The following SMC4 variants were observed in gnomAD, a reference collection of about 807,000 sequenced individuals.
SMC4 encodes the protein structural maintenance of chromosomes protein 4.
A neutral mutation model predicts 145.6 loss-of-function variants in SMC4; 87 were observed. The ratio of observed to expected loss-of-function variants is 0.60; its 90% CI spans 0.50 to 0.71. The LOEUF (loss-of-function observed/expected upper bound fraction) is 0.71, where lower values mean the gene tolerates loss of function less well. Ranked by LOEUF, SMC4 falls within the 30% of genes least tolerant of loss-of-function variation. SMC4 has a pLI of 0.00. For missense variants in SMC4, 1,447 were observed against 1,537.1 expected, an observed-to-expected ratio of 0.94 and a Z score of 0.98; for synonymous variants, 558 against 500.7, an observed-to-expected ratio of 1.11 and a Z score of -1.53.
chr3:160,414,350 T>C lies in SMC4; in HGVS notation c.1122-17T>C. On this transcript the variant is annotated splice_polypyrimidine_tract_variant and intron_variant, in intron 8 of 23. Transcript: ENST00000357388. ...GCACATTCAAAATAATGACTTACAA[T>C]ATACTTGCTTTGCTAGGAAACTGAA... The C allele has an allele frequency of 6.4e-7, 1 of 1,574,618 alleles. No individual in the cohort carries two copies.
rs745654344 is a variant in SMC4, at chr3:160,420,853, C to T, written c.1971C>T (p.Phe657=). 6.2e-7 allele frequency: 1 copy of T among 1,613,478 alleles called. No homozygotes were observed. ...SIDIAQECVN[F]LKRQNIGVAT... ...ATATAGCCCAAGAATGTGTAAACTT[C>T]CTTAAAAGACAAAATATTGGAGTTG... The change falls in exon 13 of 24, where the codon TTC becomes TTT. Residue 657 remains phenylalanine, a synonymous_variant. Coordinates refer to ENST00000357388, the MANE Select transcript of SMC4 (RefSeq NM_001002800.3).
At position 160,420,961 on chromosome 3, in the gene SMC4, G is replaced by A. The variant is rs540458920; in HGVS notation, c.2019+60G>A. 1.9e-4 allele frequency: 265 copies of A among 1,387,070 alleles called. 5 individuals are homozygous for A. The South Asian group carries it at 3.1e-3, about 16-fold the overall frequency. 85.9% of individuals were successfully genotyped at this position (1,387,070 alleles called of 1,614,324 possible). A position where few individuals can be genotyped will look rare whatever the true frequency, so the allele number is the denominator to read the frequency against. ...TTTTTTTTTTTTGAGACGTAGTCTC[G>A]CTCTGTCACCCAGGCTGGAGTGCAG... is the stretch of plus-strand genomic sequence containing the variant. On this transcript the variant is annotated intron_variant, in intron 13 of 23. Transcript: ENST00000357388.
At chr3:160,430,490 G>A (rs1718280711) in intron 18 of SMC4, 109 bp from the exon 19 acceptor site, 10 of 992,510 alleles carry the variant, frequency 1.0e-5, no homozygotes, top group Non-Finnish European at 1.5e-5. Flanking sequence ...AAAAATATAT[G>A]AATAGAAAAA....
At chr3:160,403,623 G>A (rs1307122260) in intron 4 of SMC4, among the ~76,000 whole-genome samples, 1 of 151,746 alleles carries the variant, frequency 6.6e-6, no homozygotes, top group Non-Finnish European at 1.5e-5. Flanking sequence ...GGTTTCTTTT[G>A]TGCTTTCTAT....
intron 9 of SMC4, among the ~76,000 whole-genome samples, chr3:160,414,903 T>C (rs560510212): frequency 1.3e-5 from 2 of 152,338 alleles, no homozygotes; most frequent in South Asian, 2.1e-4. Context: ...TACAATAATA[T>C]GTTATTGGGA....
At chr3:160,415,518 CTACTT>C (rs1228256536) in intron 9 of SMC4, among the ~76,000 whole-genome samples, 1 of 152,200 alleles carries the variant, frequency 6.6e-6, no homozygotes. Flanking sequence ...AGATTAGGCT[CTACTT>C]TACGCTATAA....
At chr3:160,406,006 T>G (rs546200056) in intron 5 of SMC4, among the ~76,000 whole-genome samples, 1 of 152,216 alleles carries the variant, frequency 6.6e-6, no homozygotes, top group South Asian at 2.1e-4. Context: ...TTAACCCTTC[T>G]AAGGATAATT....
At chr3:160,419,213 C>A in intron 11 of SMC4, 145 bp from the exon 12 acceptor site, 2 of 553,744 alleles carry the variant, frequency 3.6e-6, no homozygotes, top group Non-Finnish European at 6.2e-6. Context: ...CAGCAATTGC[C>A]ATACAGGTGC....
At chr3:160,412,186 G>A (rs1716065159) in intron 6 of SMC4, 102 bp downstream of exon 6, 1 of 1,426,426 alleles carries the variant, frequency 7.0e-7, no homozygotes, top group Non-Finnish European at 9.4e-7. Context: ...TAATGAAGAA[G>A]TGTTATATTG....
Position 160,432,373 on chromosome 3 carries a change from C to A in SMC4, c.3388C>A (p.Gln1130Lys), listed in dbSNP as rs1242516600. ...ACAGGCATATGAAGATCTTCGGAAACAAAGGCTTAATGAATTTATGGCAGG... is the reference window on the plus strand; with the variant it reads ...ACAGGCATATGAAGATCTTCGGAAAAAAAGGCTTAATGAATTTATGGCAGG... Reference protein sequence around the residue: ...FRQAYEDLRKQRLNEFMAGFY... With the variant: ...FRQAYEDLRKKRLNEFMAGFY... Residue 1130 changes from glutamine (Q) to lysine (K), a missense_variant, in exon 22 of 24, where the codon CAA becomes AAA. Physicochemically the swap from Gln to Lys is moderately conservative, Grantham distance 53 (BLOSUM62 1). Transcript: ENST00000357388. 6.2e-7 allele frequency: 1 copy of A among 1,613,534 alleles called. No individual in the cohort carries two copies.
At chr3:160,433,439 A>C (rs1484594949) in intron 23 of SMC4, 1 of 545,498 alleles carries the variant, frequency 1.8e-6, no homozygotes, top group Non-Finnish European at 3.2e-6. Context: ...GCAGAATCAC[A>C]GCTAGAATCC....
At chr3:160,427,617 C>A (rs1268345179) in intron 17 of SMC4, among the ~76,000 whole-genome samples, 1 of 152,172 alleles carries the variant, frequency 6.6e-6, no homozygotes, top group African/African-American at 2.4e-5. Flanking sequence ...CTCTATATAT[C>A]TCCTCTCATA....
chr3:160,421,299 A>C (rs1717151379), intron 13 of SMC4, among the ~76,000 whole-genome samples: 1 of 152,164 alleles, frequency 6.6e-6, no homozygotes, highest in Non-Finnish European at 1.5e-5. Flanking sequence ...ATGGTTACTC[A>C]GTGAACACCT....
intron 5 of SMC4, among the ~76,000 whole-genome samples, chr3:160,409,472 TG>T (rs891137349): frequency 1.3e-5 from 2 of 152,126 alleles, no homozygotes; most frequent in Non-Finnish European, 2.9e-5. Flanking sequence ...AAAGCTAAGC[TG>T]TTTCTTAATA....
intron 17 of SMC4, among the ~76,000 whole-genome samples, chr3:160,428,318 TCCACTTTGTTTTAATGTG>T (rs1341358230): frequency 2.0e-5 from 3 of 152,210 alleles, no homozygotes; most frequent in African/African-American, 7.2e-5. Context: ...TCTTATATCC[TCCACTTTGTTTTAATGTG>T]GAGAACTGCG....
rs118179233 is a variant in SMC4, at chr3:160,410,596, A to T, written c.688-1324A>T. 1.6e-3 allele frequency among the ~76,000 whole-genome samples: 245 copies of T among 152,368 alleles called. 4 individuals are homozygous for T. The East Asian group carries it at 0.042, about 26-fold the overall frequency. On this transcript the variant is annotated intron_variant, in intron 5 of 23. Coordinates refer to ENST00000357388, the MANE Select transcript of SMC4 (RefSeq NM_001002800.3). ...TGTTATGGAAAATAACTTTTGGGGT[A>T]ACAGTTTTACTTTGATAATCATTGT...
intron 4 of SMC4, 50 bp downstream of exon 4, chr3:160,402,917 T>C: frequency 1.5e-6 from 2 of 1,291,836 alleles, no homozygotes; most frequent in Admixed American, 2.8e-5. Context: ...AAAATGGACT[T>C]AAATGCATTA....
In SMC4 at chr3:160,426,219, CT is replaced by C. The variant is rs758130990; in HGVS notation, c.2605+25del. Reference sequence around the variant, plus strand: ...AAAACAGGTATGTTTAGAGATAGACCTTTTTTGGGGGGAAAAAAAAAACAGG... The same window carrying C: ...AAAACAGGTATGTTTAGAGATAGACCTTTTTGGGGGGAAAAAAAAAACAGG... On this transcript the variant is annotated intron_variant, in intron 17 of 23. Transcript: ENST00000357388. 3.1e-5 allele frequency: 48 copies of C among 1,559,994 alleles called. No individual in the cohort carries two copies. Among genetic ancestry groups the C allele is most frequent in the Non-Finnish European group, 3.9e-5 (45 of 1,156,108 alleles).
At chr3:160,400,020 G>A (rs1007257414) in intron 1 of SMC4, 2 of 152,256 alleles carry the variant, frequency 1.3e-5, no homozygotes, top group Non-Finnish European at 2.9e-5. Context: ...AAAAATCCTA[G>A]TCTCTATCTG....
Sources: allele counts gnomAD v4.1 joint callset (sites outside exome capture counted in the v4.1 genomes callset), GRCh38; gene constraint gnomAD v4.1.1; transcripts MANE v1.5; gene names NCBI Gene and HGNC (gene_info 2026-07-23, HGNC 2026-07-21).